Variants in EP400 observed in about 807,000 individuals in gnomAD.
The protein encoded by EP400 is E1A-binding protein p400.
Under a neutral mutation model 354.1 loss-of-function variants are expected in EP400, and 105 were observed. The ratio of observed to expected loss-of-function variants is 0.30; its 90% CI spans 0.25 to 0.35. The LOEUF (loss-of-function observed/expected upper bound fraction) is 0.35. Among genes scored for constraint, EP400 ranks in the 10% least tolerant of loss-of-function variants. The pLI is 1.00. For missense variants in EP400, 3,280 were observed against 4,121.0 expected (o/e 0.80, Z 5.59); for synonymous variants, 1,646 against 1,716.9 (o/e 0.96, Z 1.02).
chr12:132,047,303 A>G (rs1031967400), intron 39 of EP400, among the ~76,000 whole-genome samples: 1 of 152,244 alleles, frequency 6.6e-6, no homozygotes, highest in South Asian at 2.1e-4. Flanking sequence ...AGCATTTATA[A>G]TAATAGCCAT....
intron 1 of EP400, among the ~76,000 whole-genome samples, chr12:131,958,125 T>C (rs1420639928): frequency 6.6e-6 from 1 of 152,248 alleles, no homozygotes; most frequent in African/African-American, 2.4e-5. Flanking sequence ...ATACTCTACC[T>C]ATGTTAATTT....
Position 132,062,572 on chromosome 12 carries a change from GCAGCAGCAGCAGCAGCAGCAA to G in EP400, c.8220_8240del (p.Gln2742_Gln2748del), listed in dbSNP as rs151326088. On this transcript the variant is annotated inframe_deletion, in exon 47 of 53. Coordinates refer to ENST00000389561, the MANE Select transcript of EP400 (RefSeq NM_015409.5). ...AACAGCAGCAGCAGCAGCAGCAGCA[GCAGCAGCAGCAGCAGCAGCAA>G]CAGCAGCAGCAGCAACAGACGACGA... 1.6e-5 allele frequency: 26 copies of G among 1,609,088 alleles called. No individual in the cohort carries two copies. The highest frequency in any genetic ancestry group is 2.2e-5 in the East Asian group (1 of 44,776).
At chr12:131,977,898 A>G (rs990001478) in intron 2 of EP400, among the ~76,000 whole-genome samples, 4 of 152,190 alleles carry the variant, frequency 2.6e-5, no homozygotes, top group African/African-American at 9.7e-5. Context: ...AGTTGGTTCA[A>G]ACAGCTCCCT....
chr12:132,029,858 C>T lies in EP400; in HGVS notation c.5539C>T (p.Arg1847Cys), dbSNP rs554178502. The T allele has an allele frequency of 8.7e-6, 14 of 1,612,808 alleles. No individual in the cohort carries two copies. The highest frequency in any genetic ancestry group is 1.7e-5 in the Admixed American group (1 of 60,022). The change falls in exon 28 of 53, where the codon CGC becomes TGC. Residue 1847 changes from arginine to cysteine, a missense_variant. Around this residue, in one of 20 missense-constraint regions of EP400, gnomAD observed 459 missense variants for 496.9 expected, o/e 0.92. Transcript: ENST00000389561. The surrounding 1 kb of genome is among the most constrained non-coding windows in gnomAD (Gnocchi z 4.7). ...FQQLRQTTAP[R>C]LLQFPELRLV... Reference sequence around the variant, plus strand: ...GCAGCTGCGGCAGACCACGGCTCCACGCCTGCTGCAGTTCCCTGAGCTGAG... The same window carrying T: ...GCAGCTGCGGCAGACCACGGCTCCATGCCTGCTGCAGTTCCCTGAGCTGAG...
Position 132,013,373 on chromosome 12 carries a change from G to T in EP400, c.3612-117G>T. 1 of 1,416,448 alleles carries T rather than the reference G, an allele frequency of 7.1e-7. No homozygotes were observed. Among genetic ancestry groups the T allele is most frequent in the Non-Finnish European group, 9.5e-7 (1 of 1,052,828 alleles). 87.7% of individuals were successfully genotyped at this position (1,416,448 alleles called of 1,614,324 possible). ...AGCCCCCCTTTTCAGGCATGTGCAC[G>T]TTGACATTTGCGGTGTCAAATTACT... On this transcript the variant is annotated intron_variant, in intron 17 of 52. Transcript: ENST00000389561. This position sits in a 1 kb window ranked among gnomAD's most constrained non-coding sequence, Gnocchi z 4.5.
At chr12:132,019,848 G>A (rs935493742) in intron 21 of EP400, among the ~76,000 whole-genome samples, 2 of 152,152 alleles carry the variant, frequency 1.3e-5, no homozygotes, top group African/African-American at 4.8e-5. Context: ...AGTCTTGTTA[G>A]CCACTGCGCC....
intron 19 of EP400, among the ~76,000 whole-genome samples, chr12:132,014,560 A>G (rs1345775835): frequency 6.6e-6 from 1 of 152,196 alleles, no homozygotes; most frequent in Non-Finnish European, 1.5e-5. Flanking sequence ...AAAAAACACA[A>G]AAAACCCTGG....
chr12:132,016,382 TC>T (rs1893935036), intron 19 of EP400, among the ~76,000 whole-genome samples: 1 of 152,144 alleles, frequency 6.6e-6, no homozygotes, highest in Admixed American at 6.5e-5. Flanking sequence ...TTTTCCTTTT[TC>T]TTGAGATGGA....
At chr12:131,964,399 G>A (rs186608410) in intron 2 of EP400, among the ~76,000 whole-genome samples, 191 of 152,274 alleles carry the variant, frequency 1.3e-3, no homozygotes, top group African/African-American at 4.4e-3. Flanking sequence ...CCTGGGAGGC[G>A]GAGGTTGCAG....
At chr12:131,972,728 T>C (rs1892336995) in intron 2 of EP400, among the ~76,000 whole-genome samples, 1 of 134,136 alleles carries the variant, frequency 7.5e-6, no homozygotes, top group Non-Finnish European at 1.6e-5. Flanking sequence ...ACACAACCTT[T>C]TTTTTTTTTT....
intron 32 of EP400, among the ~76,000 whole-genome samples, chr12:132,041,501 G>A (rs897731905): frequency 2.0e-5 from 3 of 152,236 alleles, no homozygotes; most frequent in South Asian, 4.1e-4. Context: ...CTTCTTGTGC[G>A]TAGCAGTCTG....
At chr12:132,065,708 C>T (rs1195725935) in intron 48 of EP400, 4 of 152,258 alleles carry the variant, frequency 2.6e-5, no homozygotes, top group Non-Finnish European at 5.9e-5. Flanking sequence ...TGGGTCTTCC[C>T]TGGGAGGGGC....
At chr12:132,032,207 A>G in intron 30 of EP400, 58 bp downstream of exon 30, 1 of 1,542,234 alleles carries the variant, frequency 6.5e-7, no homozygotes, top group South Asian at 1.3e-5. Flanking sequence ...TATACAGGTG[A>G]GGGCCTGCGG....
At chr12:132,015,057 C>T (rs1334331960) in intron 19 of EP400, among the ~76,000 whole-genome samples, 5 of 152,220 alleles carry the variant, frequency 3.3e-5, no homozygotes, top group Non-Finnish European at 7.3e-5. Context: ...CTCATGGGCT[C>T]GCCAGGGTTC....
chr12:131,999,378 T>TA, intron 12 of EP400, among the ~76,000 whole-genome samples: 1 of 152,286 alleles, frequency 6.6e-6, no homozygotes, highest in Non-Finnish European at 1.5e-5. Flanking sequence ...CTTGTAGATA[T>TA]TTTTATAAGA....
In EP400 at chr12:132,052,072, G is replaced by A. The variant is rs1009899550; in HGVS notation, c.7395-1074G>A. ...TTTTCCTAGGTTATGATTATAGAGC[G>A]AGGATTATTATAATATTGGAATAAA... On this transcript the variant is annotated intron_variant, in intron 41 of 52. Transcript: ENST00000389561. This position sits in a 1 kb window ranked among gnomAD's most constrained non-coding sequence, Gnocchi z 4.4. 1.3e-5 allele frequency among the ~76,000 whole-genome samples: 2 copies of A among 152,180 alleles called. No homozygotes were observed. The highest frequency in any genetic ancestry group is 2.4e-5 in the African/African-American group (1 of 41,446).
chr12:132,018,266 C>G lies in EP400; in HGVS notation c.4167C>G (p.His1389Gln), dbSNP rs139738991. 1 of 1,613,788 alleles carries G rather than the reference C, an allele frequency of 6.2e-7. No individual in the cohort carries two copies. The highest frequency in any genetic ancestry group is 1.7e-5 in the Admixed American group (1 of 59,918). The change falls in exon 21 of 53, where the codon CAC (histidine) becomes CAG (glutamine). Residue 1389 changes from histidine to glutamine, a missense_variant. Around this residue, in one of 20 missense-constraint regions of EP400, gnomAD observed 342 missense variants for 342.7 expected, o/e 1.00. Coordinates refer to ENST00000389561, the MANE Select transcript of EP400 (RefSeq NM_015409.5). The surrounding 1 kb of genome is among the most constrained non-coding windows in gnomAD (Gnocchi z 4.0). ...GCTTAGAAAATAAAATCACTCGTCA[C>G]GAGGCAGAGTTGCTGTCTAAGAAAA... Reference protein sequence around the residue: ...LIGLENKITRHEAELLSKKKI... With the variant: ...LIGLENKITRQEAELLSKKKI...
chr12:131,977,506 T>G (rs1379180142), intron 2 of EP400, among the ~76,000 whole-genome samples: 1 of 151,844 alleles, frequency 6.6e-6, no homozygotes, highest in Non-Finnish European at 1.5e-5. Context: ...TTATCAAGTT[T>G]TTTTTTTTTT....
chr12:132,076,065 C>T (rs1006785826), intron 51 of EP400: 2 of 216,542 alleles, frequency 9.2e-6, no homozygotes, highest in African/African-American at 4.6e-5. Context: ...AATTACCAGC[C>T]TCAAAACCTT....
Sources: gnomAD v4.1 joint callset for allele counts (sites outside exome capture counted in the v4.1 genomes callset) on GRCh38, gnomAD v4.1.1 for gene constraint, gnomAD v4.1.1 regional missense constraint, Gnocchi (gnomAD v3.1) non-coding constraint, MANE v1.5 for transcripts, NCBI Gene and HGNC (gene_info 2026-07-23, HGNC 2026-07-21) for gene names.